GRIK4: variants seen among roughly 807,000 people sequenced by gnomAD.
GRIK4 encodes glutamate ionotropic receptor kainate type subunit 4, also known as glutamate receptor ionotropic, kainate 4.
Under a neutral mutation model 104.9 loss-of-function variants are expected in GRIK4, and 40 were observed. The ratio of observed to expected loss-of-function variants is 0.38; its 90% CI spans 0.30 to 0.50. The LOEUF is 0.50. GRIK4 is among the 20% of genes least tolerant of loss of function. The pLI is 0.93. For missense variants in GRIK4, 1,047 were observed against 1,308.1 expected (o/e 0.80, Z 3.08); for synonymous variants, 485 against 524.9 (o/e 0.92, Z 1.04).
intron 9 of GRIK4, chr11:120,871,477 G>A (rs1375043768): frequency 2.3e-5 from 9 of 394,940 alleles, no homozygotes; most frequent in African/African-American, 6.2e-5. Flanking sequence ...GGAGGGACTC[G>A]GGAGTGTGGT....
chr11:120,950,649 A>G (rs1028410258), intron 14 of GRIK4, among the ~76,000 whole-genome samples: 1 of 152,194 alleles, frequency 6.6e-6, no homozygotes, highest in Non-Finnish European at 1.5e-5. Flanking sequence ...GTAGGAGTAT[A>G]GGCATGATCG....
intron 3 of GRIK4, among the ~76,000 whole-genome samples, chr11:120,667,854 G>A (rs1470436424): frequency 2.0e-5 from 3 of 152,222 alleles, no homozygotes; most frequent in Non-Finnish European, 2.9e-5. Flanking sequence ...TGCTGGACTC[G>A]AGAGGCACTG....
At chr11:120,836,895 C>A in intron 8 of GRIK4, 51 bp downstream of exon 8, 2 of 1,169,376 alleles carry the variant, frequency 1.7e-6, no homozygotes, top group South Asian at 1.2e-5. Flanking sequence ...TGTCAGTGGT[C>A]AGGATTGATG....
At chr11:120,710,997 T>TGGGGGGGG (rs139734821) in intron 3 of GRIK4, among the ~76,000 whole-genome samples, 49 of 124,598 alleles carry the variant, frequency 3.9e-4, no homozygotes, top group African/African-American at 6.6e-4. Flanking sequence ...CCCTGTGAGG[T>TGGGGGGGG]GGGGAGGGGG....
chr11:120,618,669 C>T (rs778999292), intron 1 of GRIK4, among the ~76,000 whole-genome samples: 1 of 152,216 alleles, frequency 6.6e-6, no homozygotes. Context: ...ATACAGCCCA[C>T]ACTCCAGCTC....
chr11:120,673,137 A>G (rs1324219833), intron 3 of GRIK4, among the ~76,000 whole-genome samples: 1 of 152,128 alleles, frequency 6.6e-6, no homozygotes, highest in East Asian at 1.9e-4. Flanking sequence ...AACATTCATC[A>G]TCATCTGACA....
In GRIK4 at chr11:120,513,442, G is replaced by A. The variant is rs571810806; in HGVS notation, c.-159+1555G>A. ...GGCTTGTCGAGGTCCACTGTGTTCCGGTCCCACCAGGGATGGCAGCCCCTG... is the reference window on the plus strand; with the variant it reads ...GGCTTGTCGAGGTCCACTGTGTTCCAGTCCCACCAGGGATGGCAGCCCCTG... On this transcript the variant is annotated intron_variant, in intron 1 of 20. Transcript: ENST00000527524. The surrounding 1 kb of genome is among the most constrained non-coding windows in gnomAD (Gnocchi z 4.5). 7.2e-5 allele frequency among the ~76,000 whole-genome samples: 11 copies of A among 152,232 alleles called. No individual in the cohort carries two copies. The highest frequency in any genetic ancestry group is 4.1e-4 in the South Asian group (2 of 4,820).
chr11:120,523,101 C>T (rs192299614), intron 1 of GRIK4, among the ~76,000 whole-genome samples: 43 of 150,428 alleles, frequency 2.9e-4, no homozygotes, highest in Admixed American at 1.7e-3. Flanking sequence ...GATGCAGACA[C>T]CCCATCAGGG....
At chr11:120,792,923 G>A (rs1202418652) in intron 3 of GRIK4, among the ~76,000 whole-genome samples, 1 of 152,146 alleles carries the variant, frequency 6.6e-6, no homozygotes, top group African/African-American at 2.4e-5. Context: ...CAAAGACCTT[G>A]GATGCACCGT....
At chr11:120,729,387 A>T (rs1951089094) in intron 3 of GRIK4, among the ~76,000 whole-genome samples, 1 of 152,132 alleles carries the variant, frequency 6.6e-6, no homozygotes, top group Admixed American at 6.5e-5. Flanking sequence ...GCAGTGTGTG[A>T]GGGTTCCCTT....
At chr11:120,639,532 C>T (rs1418650935) in intron 1 of GRIK4, among the ~76,000 whole-genome samples, 3 of 152,196 alleles carry the variant, frequency 2.0e-5, no homozygotes, top group Non-Finnish European at 4.4e-5. Flanking sequence ...GGGTCGGCCC[C>T]TGTCTCAGTA....
intron 3 of GRIK4, among the ~76,000 whole-genome samples, chr11:120,707,060 T>G (rs946487717): frequency 1.3e-5 from 2 of 152,144 alleles, no homozygotes; most frequent in African/African-American, 4.8e-5. Context: ...AGCCTTTTTG[T>G]TTTCATCAAC....
intron 3 of GRIK4, among the ~76,000 whole-genome samples, chr11:120,700,076 A>AAAT: frequency 6.6e-6 from 1 of 152,198 alleles, no homozygotes; most frequent in South Asian, 2.1e-4. Context: ...AGAGATAGTA[A>AAAT]GATGGTTACT....
chr11:120,574,521 T>C (rs1948452444), intron 1 of GRIK4, among the ~76,000 whole-genome samples: 1 of 152,210 alleles, frequency 6.6e-6, no homozygotes, highest in African/African-American at 2.4e-5. Flanking sequence ...TCTGTTTGAA[T>C]GTCTTCTCCT....
intron 4 of GRIK4, among the ~76,000 whole-genome samples, chr11:120,814,453 A>T (rs1297259232): frequency 1.3e-5 from 2 of 152,164 alleles, no homozygotes; most frequent in African/African-American, 4.8e-5. Context: ...TACAAAAATT[A>T]GCCAGGCGTG....
intron 6 of GRIK4, among the ~76,000 whole-genome samples, chr11:120,828,965 C>G (rs1279032127): frequency 6.6e-6 from 1 of 152,190 alleles, no homozygotes; most frequent in Non-Finnish European, 1.5e-5. Flanking sequence ...CAGCCTCTGC[C>G]AGGCAGCACC....
At chr11:120,924,625 G>A (rs985232352) in intron 13 of GRIK4, among the ~76,000 whole-genome samples, 4 of 152,008 alleles carry the variant, frequency 2.6e-5, no homozygotes, top group Non-Finnish European at 5.9e-5. Flanking sequence ...TCTGCCCAAA[G>A]GTAACCATTA....
chr11:120,785,870 T>C (rs1265426601), intron 3 of GRIK4, among the ~76,000 whole-genome samples: 2 of 152,176 alleles, frequency 1.3e-5, no homozygotes, highest in Non-Finnish European at 2.9e-5. Flanking sequence ...TCCTGGCCCT[T>C]TTGGCACACA....
At chr11:120,627,932 C>A (rs1949282147) in intron 1 of GRIK4, among the ~76,000 whole-genome samples, 1 of 152,242 alleles carries the variant, frequency 6.6e-6, no homozygotes, top group Non-Finnish European at 1.5e-5. Context: ...TAGCAATTTG[C>A]TGTGCTTCTA....
Sources: gnomAD v4.1 joint callset for allele counts (sites outside exome capture counted in the v4.1 genomes callset) on GRCh38, gnomAD v4.1.1 for gene constraint, Gnocchi (gnomAD v3.1) non-coding constraint, MANE v1.5 for transcripts, NCBI Gene and HGNC (gene_info 2026-07-23, HGNC 2026-07-21) for gene names.